DSTYK: variants seen among roughly 807,000 people sequenced by gnomAD.
The protein encoded by DSTYK is dual serine/threonine and tyrosine protein kinase, also known as RIP-homologous kinase.
A neutral mutation model predicts 98.7 loss-of-function variants in DSTYK; 34 were observed. The observed-to-expected ratio is 0.34, with a 90% CI of 0.26 to 0.46. The LOEUF (loss-of-function observed/expected upper bound fraction) is 0.46, where lower values mean the gene tolerates loss of function less well. Among genes scored for constraint, DSTYK ranks in the 20% least tolerant of loss-of-function variants. The pLI is 1.00. For synonymous variants in DSTYK, 462 were observed against 457.3 expected (o/e 1.01, Z -0.13); for missense variants, 962 against 1,181.7 (o/e 0.81, Z 2.73).
chr1:205,181,844 G>A (rs1189355623), intron 2 of DSTYK, among the ~76,000 whole-genome samples: 2 of 151,910 alleles, frequency 1.3e-5, no homozygotes, highest in East Asian at 1.9e-4. Flanking sequence ...TCCACACCTG[G>A]CTAATTTTTT....
At chr1:205,202,271 G>C (rs1659066478) in intron 1 of DSTYK, 1 of 629,624 alleles carries the variant, frequency 1.6e-6, no homozygotes, top group African/African-American at 1.8e-5. Flanking sequence ...TTCACTTTAA[G>C]AATACTCATG....
chr1:205,195,560 C>T (rs529593013), intron 1 of DSTYK, among the ~76,000 whole-genome samples: 4 of 152,204 alleles, frequency 2.6e-5, no homozygotes, highest in South Asian at 4.1e-4. Context: ...TCAGAATCTT[C>T]AGGACCAAGT....
rs776250025 is a variant in DSTYK at position 205,148,323 on chromosome 1, G to A, written c.2484C>T (p.Ser828=). The change falls in exon 12 of 13, where the codon TCC becomes TCT. Residue 828 remains serine, a synonymous_variant. Transcript: ENST00000367162. The part of the protein sequence containing the change: ...PELFTGKYDN[S]VDVYAFGILF... ...GAATTCCAAAAGCGTAGACATCCACGGAATTATCGTACTTCCCTGATGGCA... is the reference window on the plus strand; with the variant it reads ...GAATTCCAAAAGCGTAGACATCCACAGAATTATCGTACTTCCCTGATGGCA... 1.9e-6 allele frequency: 3 copies of A among 1,613,972 alleles called. No homozygotes were observed. The highest frequency in any genetic ancestry group is 1.3e-5 in the African/African-American group (1 of 75,052).
intron 1 of DSTYK, among the ~76,000 whole-genome samples, chr1:205,209,557 A>AAGG (rs1339297066): frequency 9.2e-5 from 14 of 151,874 alleles, no homozygotes; most frequent in Admixed American, 2.0e-4. Context: ...CCTAAATGAT[A>AAGG]CCGTTCCATT....
At chr1:205,203,691 G>C (rs931764766) in intron 1 of DSTYK, among the ~76,000 whole-genome samples, 1 of 151,936 alleles carries the variant, frequency 6.6e-6, no homozygotes, top group African/African-American at 2.4e-5. Context: ...CGAGGCAGGT[G>C]GATCACCTGA....
intron 2 of DSTYK, among the ~76,000 whole-genome samples, chr1:205,181,656 T>TTGTGTGTGTGTG (rs35775611): frequency 1.4e-5 from 2 of 142,542 alleles, no homozygotes; most frequent in African/African-American, 5.3e-5. Context: ...ATGTTGGGGT[T>TTGTGTGTGTGTG]TGTGTGTGTG....
At chr1:205,205,635 G>A (rs996900292) in intron 1 of DSTYK, among the ~76,000 whole-genome samples, 2 of 151,864 alleles carry the variant, frequency 1.3e-5, no homozygotes, top group Admixed American at 6.6e-5. Context: ...TAGTGGAGAC[G>A]ATGTTTCACC....
chr1:205,152,570 C>T (rs1220081701), intron 10 of DSTYK, among the ~76,000 whole-genome samples: 1 of 152,198 alleles, frequency 6.6e-6, no homozygotes, highest in Non-Finnish European at 1.5e-5. Context: ...ATAAATCCTG[C>T]CGCCAACCTT....
At chr1:205,191,588 G>C (rs559687604) in intron 1 of DSTYK, among the ~76,000 whole-genome samples, 2 of 152,118 alleles carry the variant, frequency 1.3e-5, no homozygotes, top group Non-Finnish European at 2.9e-5. Context: ...TGATGTGAGG[G>C]GGATGGGTGG....
chr1:205,187,349 T>C, intron 2 of DSTYK, 69 bp downstream of exon 2: 1 of 1,497,576 alleles, frequency 6.7e-7, no homozygotes, highest in Non-Finnish European at 8.9e-7. Context: ...ATTACTTTTT[T>C]AGAAAGTCAA....
At chr1:205,198,537 A>T (rs1230063677) in intron 1 of DSTYK, among the ~76,000 whole-genome samples, 1 of 152,190 alleles carries the variant, frequency 6.6e-6, no homozygotes, top group Admixed American at 6.5e-5. Flanking sequence ...ATATCGCCAT[A>T]ATATTAAACG....
chr1:205,183,831 G>C (rs556092287), intron 2 of DSTYK, among the ~76,000 whole-genome samples: 1 of 152,262 alleles, frequency 6.6e-6, no homozygotes, highest in South Asian at 2.1e-4. Flanking sequence ...GCAGTGCTTG[G>C]ATTCCACGAA....
chr1:205,167,163 C>T (rs548583329), intron 3 of DSTYK, among the ~76,000 whole-genome samples: 3 of 152,100 alleles, frequency 2.0e-5, no homozygotes, highest in South Asian at 2.1e-4. Flanking sequence ...TTTAGGAGGC[C>T]GAGGTGGGAG....
chr1:205,180,657 G>A (rs952904417), intron 2 of DSTYK, among the ~76,000 whole-genome samples: 13 of 152,202 alleles, frequency 8.5e-5, no homozygotes, highest in African/African-American at 2.9e-4. Context: ...TAGAAAGAGG[G>A]TTTTGCCTTG....
At chr1:205,172,466 A>T (rs74819121) in intron 2 of DSTYK, among the ~76,000 whole-genome samples, 1 of 50,194 alleles carries the variant, frequency 2.0e-5, no homozygotes, top group Non-Finnish European at 1.0e-4. Flanking sequence ...CGCCCAGCTA[A>T]TTTTCATTCT....
rs980098732 is a variant in DSTYK, at chr1:205,162,996, G to T, written c.1568C>A (p.Ala523Asp). Reference protein sequence around the residue: ...TSNYLKQILNAAYHVEVTFHS... With the variant: ...TSNYLKQILNDAYHVEVTFHS... ...AAACGTGACTTCAACATGATAGGCAGCATTTAAGATCTGAAAGAGACAACG... is the reference window on the plus strand; with the variant it reads ...AAACGTGACTTCAACATGATAGGCATCATTTAAGATCTGAAAGAGACAACG... The change falls in exon 5 of 13, where the codon GCT (alanine) becomes GAT (aspartate). Residue 523 changes from alanine (A) to aspartate (D), a missense_variant. Ala to Asp is a moderately radical substitution (Grantham distance 126). Transcript: ENST00000367162. 6.2e-7 allele frequency: 1 copy of T among 1,613,954 alleles called. No individual in the cohort carries two copies. The highest frequency in any genetic ancestry group is 8.5e-7 in the Non-Finnish European group (1 of 1,179,824).
intron 10 of DSTYK, among the ~76,000 whole-genome samples, chr1:205,156,575 C>G (rs1657568139): frequency 6.6e-6 from 1 of 152,138 alleles, no homozygotes; most frequent in Admixed American, 6.6e-5. Flanking sequence ...GGTGTATTTA[C>G]CCAATGCCTG....
chr1:205,155,664 ATT>A (rs540089331), intron 10 of DSTYK, among the ~76,000 whole-genome samples: 83 of 150,970 alleles, frequency 5.5e-4, no homozygotes, highest in African/African-American at 1.9e-3. Flanking sequence ...TCTCAAAAAA[ATT>A]TTTAAAAAAA....
chr1:205,175,410 A>T (rs1034140133), intron 2 of DSTYK, among the ~76,000 whole-genome samples: 1 of 152,162 alleles, frequency 6.6e-6, no homozygotes, highest in African/African-American at 2.4e-5. Flanking sequence ...CTATTCCTAA[A>T]TATACCTTGT....
Sources: gnomAD v4.1 joint callset for allele counts (sites outside exome capture counted in the v4.1 genomes callset) on GRCh38, gnomAD v4.1.1 for gene constraint, MANE v1.5 for transcripts, NCBI Gene and HGNC (gene_info 2026-07-23, HGNC 2026-07-21) for gene names.